Variants in AGPAT5 observed in about 807,000 individuals in gnomAD.
AGPAT5 encodes 1-acyl-sn-glycerol-3-phosphate acyltransferase epsilon.
In AGPAT5, 46 loss-of-function variants were observed where a neutral mutation model predicts 45.6. The ratio of observed to expected loss-of-function variants is 1.01; its 90% CI spans 0.80 to 1.29. The LOEUF (loss-of-function observed/expected upper bound fraction) is 1.29. Among genes scored for constraint, AGPAT5 ranks in the 50% most tolerant of loss-of-function variants. AGPAT5 has a pLI of 0.00. For missense variants in AGPAT5, 673 were observed against 450.7 expected, an observed-to-expected ratio of 1.49 and a Z score of -4.47; for synonymous variants, 272 against 167.0, an observed-to-expected ratio of 1.63 and a Z score of -4.85.
intron 7 of AGPAT5, among the ~76,000 whole-genome samples, chr8:6,756,465 A>G (rs759971647): frequency 9.2e-5 from 14 of 152,134 alleles, no homozygotes; most frequent in Non-Finnish European, 1.9e-4. Context: ...GTCTCTACAG[A>G]AAATACAAAA....
At chr8:6,723,732 G>A (rs1800586594) in intron 1 of AGPAT5, among the ~76,000 whole-genome samples, 1 of 152,200 alleles carries the variant, frequency 6.6e-6, no homozygotes, top group South Asian at 2.1e-4. Flanking sequence ...ATAGCACTGT[G>A]CAGTTTCTAA....
chr8:6,735,947 C>T (rs191165345), intron 4 of AGPAT5, among the ~76,000 whole-genome samples: 22 of 148,170 alleles, frequency 1.5e-4, no homozygotes, highest in African/African-American at 3.5e-4. Flanking sequence ...CTCTGCCTCA[C>T]GGGTTCAAGC....
Position 6,751,464 on chromosome 8 carries a change from G to T in AGPAT5, c.746-3587G>T, listed in dbSNP as rs187311438. Reference sequence around the variant, plus strand: ...CCAGGACGCTCTGCAGGTGAGAGCTGGGAAGCTGTAGAAGCTGCAGTGCTA... The same window carrying T: ...CCAGGACGCTCTGCAGGTGAGAGCTTGGAAGCTGTAGAAGCTGCAGTGCTA... On this transcript the variant is annotated intron_variant, in intron 6 of 7. Transcript: ENST00000285518. Among the ~76,000 whole-genome samples the T allele has an allele frequency of 2.0e-4, 30 of 152,312 alleles. No homozygotes were observed. In the East Asian group the frequency reaches 4.6e-3, roughly 23 times the overall value.
intron 1 of AGPAT5, among the ~76,000 whole-genome samples, chr8:6,721,453 T>C (rs929936029): frequency 6.6e-6 from 1 of 152,236 alleles, no homozygotes. Flanking sequence ...TAATGACAGG[T>C]TAACCTATTT....
intron 4 of AGPAT5, among the ~76,000 whole-genome samples, chr8:6,733,288 C>T (rs373262839): frequency 4.4e-4 from 67 of 152,192 alleles, no homozygotes; most frequent in Non-Finnish European, 1.2e-4. Context: ...AGAAGCTTAG[C>T]TCGTGTGCAC....
chr8:6,735,392 A>G (rs1801016878), intron 4 of AGPAT5, among the ~76,000 whole-genome samples: 1 of 152,174 alleles, frequency 6.6e-6, no homozygotes, highest in African/African-American at 2.4e-5. Flanking sequence ...GTGAGTACAC[A>G]GGAGGTCTGT....
At position 6,735,211 on chromosome 8, in the gene AGPAT5, A is replaced by T. The variant is rs189473168; in HGVS notation, c.495+2561A>T. ...GAGTATTCATCCGTGCCCCATGGGT[A>T]GCAGGGTTTTGTTGCCCCTGTTCAT... On this transcript the variant is annotated intron_variant, in intron 4 of 7. Transcript: ENST00000285518. 2.9e-4 allele frequency among the ~76,000 whole-genome samples: 44 copies of T among 152,228 alleles called. 1 individual carries two copies. The East Asian group carries it at 7.9e-3, about 27-fold the overall frequency.
intron 6 of AGPAT5, among the ~76,000 whole-genome samples, 159 bp from the exon 7 acceptor site, chr8:6,754,892 A>G (rs1801779062): frequency 6.6e-6 from 1 of 151,308 alleles, no homozygotes; most frequent in Non-Finnish European, 1.5e-5. Flanking sequence ...CCAGTTTATA[A>G]TCCTTTTTTT....
Position 6,724,890 on chromosome 8 carries a change from G to A in AGPAT5, c.240G>A (p.Leu80=). The change falls in exon 2 of 8, where the codon TTG becomes TTA. Residue 80 remains leucine (L), a synonymous_variant. Coordinates refer to ENST00000285518, the MANE Select transcript of AGPAT5 (RefSeq NM_018361.5). ...TTTAGATATTGCTATATGGAGATTT[G>A]CCAAAAAATAAAGAAAATATAATAT... ...TGVQILLYGD[L]PKNKENIIYL... is the part of the protein sequence containing the mutation. The A allele has an allele frequency of 8.8e-7, 1 of 1,133,376 alleles. No homozygotes were observed. 70.2% of individuals were successfully genotyped at this position (1,133,376 alleles called of 1,614,324 possible).
intron 6 of AGPAT5, among the ~76,000 whole-genome samples, chr8:6,752,697 T>C (rs896836241): frequency 1.3e-5 from 2 of 152,214 alleles, no homozygotes; most frequent in African/African-American, 4.8e-5. Flanking sequence ...AACAATAATA[T>C]CTTAGAGTAT....
At chr8:6,743,342 A>G (rs1175034352) in intron 5 of AGPAT5, among the ~76,000 whole-genome samples, 2 of 152,174 alleles carry the variant, frequency 1.3e-5, no homozygotes, top group African/African-American at 2.4e-5. Flanking sequence ...CTCTCTGCCT[A>G]ACTCTGGACC....
intron 3 of AGPAT5, among the ~76,000 whole-genome samples, chr8:6,731,500 T>C (rs1248067350): frequency 6.6e-6 from 1 of 152,150 alleles, no homozygotes; most frequent in African/African-American, 2.4e-5. Flanking sequence ...TTATACTTTA[T>C]TTTTTATTTG....
intron 1 of AGPAT5, chr8:6,709,208 G>T: frequency 5.0e-6 from 2 of 403,018 alleles, no homozygotes; most frequent in South Asian, 4.4e-5. Context: ...GCGTTTAGCA[G>T]TTTCTGGCCT....
At chr8:6,754,913 T>C (rs11997032) in intron 6 of AGPAT5, 138 bp from the exon 7 acceptor site, 29,138 of 664,790 alleles carry the variant, frequency 0.044, 832 homozygotes, top group Non-Finnish European at 0.053. Flanking sequence ...TTAACTTTTG[T>C]TTATTTTTCC....
intron 4 of AGPAT5, among the ~76,000 whole-genome samples, chr8:6,736,046 G>T (rs1203607311): frequency 6.6e-6 from 1 of 151,888 alleles, no homozygotes; most frequent in Non-Finnish European, 1.5e-5. Context: ...TAGAGACAGG[G>T]TTTCACCATG....
chr8:6,710,922 T>C (rs1461171378), intron 1 of AGPAT5, among the ~76,000 whole-genome samples: 1 of 152,236 alleles, frequency 6.6e-6, no homozygotes, highest in African/African-American at 2.4e-5. Context: ...TCTTTTTTTC[T>C]TGAATTGTTT....
chr8:6,757,337 C>G lies in AGPAT5; in HGVS notation c.1044C>G (p.Thr348=), dbSNP rs1801879330. ...TDAGRKLYVN[T]WIYGTLLGCL... is the part of the protein sequence containing the mutation. ...CTGGAAGGAAGCTGTATGTGAACACCTGGATATATGGAACCCTACTTGGCT... is the reference window on the plus strand; with the variant it reads ...CTGGAAGGAAGCTGTATGTGAACACGTGGATATATGGAACCCTACTTGGCT... Residue 348 remains threonine, a synonymous_variant, in exon 8 of 8, where the codon ACC becomes ACG. Transcript: ENST00000285518. The G allele has an allele frequency of 6.2e-7, 1 of 1,614,158 alleles. No individual in the cohort carries two copies. The highest frequency in any genetic ancestry group is 8.5e-7 in the Non-Finnish European group (1 of 1,180,034).
chr8:6,729,263 C>G (rs370057501), intron 2 of AGPAT5, among the ~76,000 whole-genome samples: 3 of 151,796 alleles, frequency 2.0e-5, no homozygotes, highest in South Asian at 2.1e-4. Flanking sequence ...AGCTAATCAT[C>G]TTGTAATCTG....
Position 6,757,313 on chromosome 8 carries a change from T to A in AGPAT5, c.1020T>A (p.Ala340=). Residue 340 remains alanine (A), a synonymous_variant, in exon 8 of 8, where the codon GCT becomes GCA. Transcript: ENST00000285518. ...GLTAGMLMTD[A]GRKLYVNTWI... The stretch of plus-strand genomic sequence containing the variant: ...CTGCAGGCATGCTTATGACCGATGC[T>A]GGAAGGAAGCTGTATGTGAACACCT... The A allele has an allele frequency of 6.2e-7, 1 of 1,614,240 alleles. No individual in the cohort carries two copies. Among genetic ancestry groups the A allele is most frequent in the Non-Finnish European group, 8.5e-7 (1 of 1,180,042 alleles).
Sources: gnomAD v4.1 joint callset for allele counts (sites outside exome capture counted in the v4.1 genomes callset) on GRCh38, gnomAD v4.1.1 for gene constraint, MANE v1.5 for transcripts, NCBI Gene and HGNC (gene_info 2026-07-23, HGNC 2026-07-21) for gene names.